Variants in SOCS5 observed in about 807,000 individuals in gnomAD.
SOCS5 encodes suppressor of cytokine signaling 5.
SOCS5 carries 32 observed loss-of-function variants against 42.8 expected under a neutral mutation model. The observed-to-expected ratio is 0.75, with a 90% CI of 0.56 to 1.01. The LOEUF is 1.01. Among genes scored for constraint, SOCS5 ranks in the 50% least tolerant of loss-of-function variants. SOCS5 has a pLI of 0.00. For missense variants in SOCS5, 627 were observed against 653.0 expected, an observed-to-expected ratio of 0.96 and a Z score of 0.43; for synonymous variants, 283 against 229.6, an observed-to-expected ratio of 1.23 and a Z score of -2.10.
At chr2:46,740,300 T>G (rs1322458886) in intron 1 of SOCS5, among the ~76,000 whole-genome samples, 1 of 152,210 alleles carries the variant, frequency 6.6e-6, no homozygotes, top group Non-Finnish European at 1.5e-5. Context: ...GCACAGAAAG[T>G]TGTCTCCACA....
At chr2:46,737,533 T>TA (rs1673280489) in intron 1 of SOCS5, among the ~76,000 whole-genome samples, 1 of 152,220 alleles carries the variant, frequency 6.6e-6, no homozygotes, top group South Asian at 2.1e-4. Flanking sequence ...TGGTTGCTAA[T>TA]AATTTGCCTG....
chr2:46,737,898 T>G (rs763833703), intron 1 of SOCS5, among the ~76,000 whole-genome samples: 7 of 152,278 alleles, frequency 4.6e-5, no homozygotes, highest in Admixed American at 2.6e-4. Flanking sequence ...ATCCCTCTCC[T>G]ATGTGCTTTG....
chr2:46,699,539 C>G lies in SOCS5; in HGVS notation c.-13+90C>G, dbSNP rs993175111. The G allele has an allele frequency of 3.3e-5, 5 of 151,692 alleles. No individual in the cohort carries two copies. The highest frequency in any genetic ancestry group is 5.9e-5 in the Non-Finnish European group (4 of 67,814). 9.4% of individuals were successfully genotyped at this position (151,692 alleles called of 1,614,324 possible). A position where few individuals can be genotyped will look rare whatever the true frequency, so the allele number is the denominator to read the frequency against. ...GGCCGCCTCTCGGTGCCCCAGTGCC[C>G]GCGCCCGGCGCATTCCGCCCCCGGC... is the stretch of plus-strand genomic sequence containing the variant. On this transcript the variant is annotated intron_variant, in intron 1 of 1. Coordinates refer to ENST00000394861, the MANE Select transcript of SOCS5 (RefSeq NM_144949.3). This position sits in a 1 kb window ranked among gnomAD's most constrained non-coding sequence, Gnocchi z 4.8.
At chr2:46,722,545 A>G (rs990289) in intron 1 of SOCS5, among the ~76,000 whole-genome samples, 22,004 of 152,138 alleles carry the variant, frequency 0.14, 2,179 homozygotes, top group East Asian at 0.43. Context: ...ATTCCTTTGT[A>G]TAGCTGCACT....
chr2:46,745,524 T>G (rs72802462), intron 1 of SOCS5, among the ~76,000 whole-genome samples: 9,645 of 152,178 alleles, frequency 0.063, 445 homozygotes, highest in Non-Finnish European at 0.1. Context: ...TGGAGAGGAG[T>G]ATGATCAGAA....
chr2:46,733,015 T>G (rs1673158977), intron 1 of SOCS5, among the ~76,000 whole-genome samples: 1 of 152,020 alleles, frequency 6.6e-6, no homozygotes, highest in Non-Finnish European at 1.5e-5. Context: ...CATCTTAATG[T>G]GTATCCACTG....
intron 1 of SOCS5, among the ~76,000 whole-genome samples, chr2:46,733,553 A>G (rs1420704323): frequency 6.7e-6 from 1 of 148,700 alleles, no homozygotes; most frequent in African/African-American, 2.5e-5. Flanking sequence ...ACACAGTGAA[A>G]CTGAGACCCT....
At chr2:46,714,679 A>T (rs1449778360) in intron 1 of SOCS5, among the ~76,000 whole-genome samples, 1 of 152,148 alleles carries the variant, frequency 6.6e-6, no homozygotes, top group East Asian at 1.9e-4. Context: ...ATAAAATTTT[A>T]TTGGAACACA....
intron 1 of SOCS5, among the ~76,000 whole-genome samples, chr2:46,734,136 C>G (rs1001146317): frequency 3.9e-5 from 6 of 152,112 alleles, no homozygotes; most frequent in African/African-American, 1.4e-4. Flanking sequence ...GTCTCTGATA[C>G]TTCTGTGGAG....
intron 1 of SOCS5, among the ~76,000 whole-genome samples, chr2:46,751,112 C>T (rs977118686): frequency 3.3e-5 from 5 of 151,962 alleles, no homozygotes; most frequent in South Asian, 2.1e-4. Flanking sequence ...TCAGATATAT[C>T]GGTTTCTACA....
At position 46,758,771 on chromosome 2, in the gene SOCS5, A is replaced by C. The variant is rs1269651228; in HGVS notation, c.241A>C (p.Asn81His). The C allele has an allele frequency of 6.2e-7, 1 of 1,614,106 alleles. No individual in the cohort carries two copies. The highest frequency in any genetic ancestry group is 2.2e-5 in the East Asian group (1 of 44,880). The change falls in exon 2 of 2, where the codon AAT (asparagine) becomes CAT (histidine). Residue 81 changes from asparagine (N) to histidine (H), a missense_variant. By Grantham distance (68) the Asn-to-His change is moderately conservative. Coordinates refer to ENST00000394861, the MANE Select transcript of SOCS5 (RefSeq NM_144949.3). ...GAAGAATTCTTCAAGGAGAAATCAA[A>C]ATTGTGCCACAGAAATCCCTCAAAT... is the stretch of plus-strand genomic sequence containing the variant. ...PSKNSSRRNQ[N>H]CATEIPQIVE...
chr2:46,743,859 G>C (rs779067954), intron 1 of SOCS5, among the ~76,000 whole-genome samples: 3 of 152,088 alleles, frequency 2.0e-5, no homozygotes, highest in Non-Finnish European at 4.4e-5. Context: ...GACACACAAT[G>C]AGTTATATTT....
chr2:46,713,826 T>G (rs41335853), intron 1 of SOCS5, among the ~76,000 whole-genome samples: 5 of 152,220 alleles, frequency 3.3e-5, no homozygotes, highest in African/African-American at 1.2e-4. Context: ...TTTAGCTGCA[T>G]CCCACAGATA....
At chr2:46,743,590 G>T (rs1673426572) in intron 1 of SOCS5, among the ~76,000 whole-genome samples, 1 of 152,096 alleles carries the variant, frequency 6.6e-6, no homozygotes, top group Non-Finnish European at 1.5e-5. Flanking sequence ...TGTATTTTGT[G>T]CTGACCTCCT....
At chr2:46,754,850 T>C (rs1431474128) in intron 1 of SOCS5, among the ~76,000 whole-genome samples, 1 of 152,178 alleles carries the variant, frequency 6.6e-6, no homozygotes, top group African/African-American at 2.4e-5. Flanking sequence ...TAGATTATTT[T>C]AAGAAGCTGT....
At chr2:46,718,133 G>A (rs1672791550) in intron 1 of SOCS5, among the ~76,000 whole-genome samples, 1 of 151,932 alleles carries the variant, frequency 6.6e-6, no homozygotes, top group Admixed American at 6.6e-5. Flanking sequence ...CCTGTATGGG[G>A]TATAAGCAGA....
chr2:46,711,281 A>G (rs970619063), intron 1 of SOCS5, among the ~76,000 whole-genome samples: 5 of 152,190 alleles, frequency 3.3e-5, no homozygotes, highest in African/African-American at 4.8e-5. Context: ...CTAGCAATCT[A>G]TGAGAGTTCT....
At chr2:46,699,164 C>G (rs1206666383), upstream of SOCS5, 2 of 153,850 alleles carry the variant, frequency 1.3e-5, no homozygotes, top group Non-Finnish European at 2.9e-5. The surrounding 1 kb of genome is among the most constrained non-coding windows in gnomAD (Gnocchi z 4.8). Context: ...CCCCCCGCCC[C>G]GGGAGGTATT....
chr2:46,755,085 G>A (rs889594801), intron 1 of SOCS5, among the ~76,000 whole-genome samples: 9 of 152,130 alleles, frequency 5.9e-5, no homozygotes, highest in Admixed American at 2.6e-4. Context: ...TGTTACAGCT[G>A]AGAAGTCTAG....
Sources: gnomAD v4.1 joint callset for allele counts (sites outside exome capture counted in the v4.1 genomes callset) on GRCh38, gnomAD v4.1.1 for gene constraint, Gnocchi (gnomAD v3.1) non-coding constraint, MANE v1.5 for transcripts, NCBI Gene and HGNC (gene_info 2026-07-23, HGNC 2026-07-21) for gene names.